Variants in EYS observed in about 807,000 individuals in gnomAD.
EYS encodes protein eyes shut homolog.
In EYS, 250 loss-of-function variants were observed where a neutral mutation model predicts 282.1. The observed-to-expected ratio is 0.89, with a 90% CI of 0.80 to 0.98. The LOEUF is 0.98. Ranked by LOEUF, EYS falls within the 50% of genes least tolerant of loss-of-function variation. The pLI is 0.00. For synonymous variants in EYS, 1,355 were observed against 1,282.9 expected (o/e 1.06, Z -1.20); for missense variants, 4,016 against 3,709.0 (o/e 1.08, Z -2.15).
chr6:65,035,335 G>A (rs772725755), intron 13 of EYS, among the ~76,000 whole-genome samples: 18 of 151,934 alleles, frequency 1.2e-4, no homozygotes, highest in Non-Finnish European at 2.2e-4. Flanking sequence ...ACATAGCACC[G>A]GAAGTCCTAG....
intron 8 of EYS, among the ~76,000 whole-genome samples, chr6:65,359,568 A>G (rs780821425): frequency 2.0e-5 from 3 of 151,982 alleles, no homozygotes; most frequent in Non-Finnish European, 4.4e-5. Context: ...TAAAGAAACT[A>G]TATCATGAAA....
At chr6:64,907,006 T>A (rs1297304511) in intron 16 of EYS, among the ~76,000 whole-genome samples, 8 of 152,292 alleles carry the variant, frequency 5.3e-5, no homozygotes, top group African/African-American at 1.9e-4. Flanking sequence ...TTATTTGAAG[T>A]CGTCTTTACC....
intron 29 of EYS, among the ~76,000 whole-genome samples, chr6:64,315,989 C>A (rs548141660): frequency 6.6e-5 from 10 of 152,284 alleles, no homozygotes; most frequent in Admixed American, 5.9e-4. Context: ...TCAATAGATG[C>A]AGAAAATGCC....
intron 19 of EYS, among the ~76,000 whole-genome samples, chr6:64,853,629 A>G (rs1765955563): frequency 6.6e-6 from 1 of 152,172 alleles, no homozygotes; most frequent in South Asian, 2.1e-4. Context: ...GCAGCTTGGT[A>G]TTGGTAACGC....
At chr6:65,421,932 C>T (rs1767479960) in intron 5 of EYS, among the ~76,000 whole-genome samples, 1 of 151,816 alleles carries the variant, frequency 6.6e-6, no homozygotes, top group African/African-American at 2.4e-5. Context: ...GATCAATGAT[C>T]ACAGAGCCCC....
rs1766707689 is a variant in EYS at position 65,229,277 on chromosome 6, A to C, written c.2023+66586T>G. On this transcript the variant is annotated intron_variant, in intron 12 of 42. Coordinates refer to ENST00000503581, the MANE Select transcript of EYS (RefSeq NM_001142800.2). Reference sequence around the variant, plus strand: ...AGTGTTGCGGCTAGATAAACAAAAAAGAAAAAGAAAAAAAGGAAGCAGGTT... The same window carrying C: ...AGTGTTGCGGCTAGATAAACAAAAACGAAAAAGAAAAAAAGGAAGCAGGTT... 3.4e-5 allele frequency among the ~76,000 whole-genome samples: 5 copies of C among 146,766 alleles called. No homozygotes were observed. The Admixed American group carries it at 3.4e-4, about 10-fold the overall frequency.
At chr6:65,586,157 T>G (rs953787104) in intron 2 of EYS, among the ~76,000 whole-genome samples, 1 of 151,960 alleles carries the variant, frequency 6.6e-6, no homozygotes, top group Non-Finnish European at 1.5e-5. Context: ...TGGATGTAAT[T>G]TCTTCATTTT....
intron 2 of EYS, among the ~76,000 whole-genome samples, chr6:65,538,372 A>C (rs898350552): frequency 9.8e-5 from 15 of 152,318 alleles, no homozygotes; most frequent in African/African-American, 3.6e-4. Flanking sequence ...TCTTGGCATT[A>C]CATTATCATA....
chr6:64,464,579 A>G (rs114964667), intron 26 of EYS, among the ~76,000 whole-genome samples: 2,487 of 152,238 alleles, frequency 0.016, 23 homozygotes, highest in South Asian at 0.035. Flanking sequence ...GAACTAACAA[A>G]CAAATTCAGC....
chr6:65,530,960 T>G (rs976308274), intron 2 of EYS, among the ~76,000 whole-genome samples: 1 of 152,140 alleles, frequency 6.6e-6, no homozygotes, highest in African/African-American at 2.4e-5. Flanking sequence ...TTTAATATGA[T>G]AGTTAATATA....
At chr6:64,009,473 A>G (rs1768505451) in intron 33 of EYS, among the ~76,000 whole-genome samples, 1 of 151,854 alleles carries the variant, frequency 6.6e-6, no homozygotes, top group Admixed American at 6.6e-5. Flanking sequence ...TTCAGTAGAG[A>G]TGGGGTTTCA....
At chr6:65,038,925 A>G (rs1772848408) in intron 13 of EYS, among the ~76,000 whole-genome samples, 1 of 151,428 alleles carries the variant, frequency 6.6e-6, no homozygotes, top group Admixed American at 6.6e-5. Context: ...CTGTCTGGAT[A>G]TATTCTGCTT....
chr6:64,739,040 G>C (rs914329953), intron 22 of EYS, among the ~76,000 whole-genome samples: 12 of 152,192 alleles, frequency 7.9e-5, no homozygotes, highest in Non-Finnish European at 1.5e-4. Context: ...GAGCCACCAT[G>C]CCTGTCCAGT....
At chr6:64,966,275 A>G (rs1412223039) in intron 14 of EYS, among the ~76,000 whole-genome samples, 4 of 152,120 alleles carry the variant, frequency 2.6e-5, no homozygotes, top group Non-Finnish European at 5.9e-5. Flanking sequence ...GAGAAAAGAG[A>G]GCCTAAATTG....
In EYS at chr6:65,005,629, G is replaced by A. The variant is rs371925636; in HGVS notation, c.2138-7926C>T. Among the ~76,000 whole-genome samples the A allele has an allele frequency of 1.4e-4, 21 of 147,862 alleles. 3 individuals carry two copies. Among genetic ancestry groups the A allele is most frequent in the South Asian group, 1.1e-3 (5 of 4,588 alleles). ...CCAGTTAAAAACGATTAGCATGGCCGCTGGACTTAAGACTTAGGTGTGAGG... is the reference window on the plus strand; with the variant it reads ...CCAGTTAAAAACGATTAGCATGGCCACTGGACTTAAGACTTAGGTGTGAGG... On this transcript the variant is annotated intron_variant, in intron 13 of 42. Transcript: ENST00000503581.
At chr6:65,275,195 G>A (rs1037329520) in intron 12 of EYS, among the ~76,000 whole-genome samples, 1 of 152,114 alleles carries the variant, frequency 6.6e-6, no homozygotes, top group Admixed American at 6.6e-5. Context: ...TCATAGTACA[G>A]GCCCTTAGGA....
intron 36 of EYS, among the ~76,000 whole-genome samples, chr6:63,829,297 G>A (rs1337756549): frequency 6.6e-6 from 1 of 152,176 alleles, no homozygotes; most frequent in African/African-American, 2.4e-5. Flanking sequence ...AGAGGTCAGG[G>A]AATTCCCTTT....
In EYS at chr6:64,460,609, A is replaced by G. The variant is rs142129605; in HGVS notation, c.5645-21257T>C. 5.3e-5 allele frequency among the ~76,000 whole-genome samples: 8 copies of G among 152,312 alleles called. No homozygotes were observed. In the South Asian group the frequency reaches 8.3e-4, roughly 16 times the overall value. On this transcript the variant is annotated intron_variant, in intron 26 of 42. Coordinates refer to ENST00000503581, the MANE Select transcript of EYS (RefSeq NM_001142800.2). ...GAATTATACATTCTTTGTATTTACT[A>G]ATGTAGTATCTTTCTAAAGTGTATT...
intron 31 of EYS, among the ~76,000 whole-genome samples, chr6:64,175,226 A>T (rs1173226664): frequency 2.0e-5 from 3 of 152,124 alleles, no homozygotes; most frequent in Admixed American, 2.0e-4. Context: ...CCTCTATTTG[A>T]TATTATTAAT....
Sources: allele counts gnomAD v4.1 joint callset (sites outside exome capture counted in the v4.1 genomes callset), GRCh38; gene constraint gnomAD v4.1.1; transcripts MANE v1.5; gene names NCBI Gene and HGNC (gene_info 2026-07-23, HGNC 2026-07-21).